Variants in CCDC92B observed in about 807,000 individuals in gnomAD.
CCDC92B encodes coiled-coil domain-containing 92B.
In CCDC92B, 2 loss-of-function variants were observed where a neutral mutation model predicts 5.6. That is an observed-to-expected ratio of 0.36 (90% confidence interval 0.15 to 1.12). CCDC92B has a LOEUF of 1.12. Ranked by LOEUF, CCDC92B falls within the 50% of genes most tolerant of loss-of-function variation. CCDC92B has a pLI of 0.40. For synonymous variants in CCDC92B, 115 were observed against 122.3 expected (o/e 0.94, Z 0.39); for missense variants, 271 against 262.2 (o/e 1.03, Z -0.23).
rs1181753190 is a variant in CCDC92B at position 2,721,408 on chromosome 17, C to T, written c.*3003G>A. ...AGAGGAGAGAGAAATGCAGTCCTTT[C>T]CCTTCTTAGTCACCAAGATATTCCA... On this transcript the variant is annotated 3_prime_UTR_variant, in exon 4 of 4. Coordinates refer to ENST00000614400, the MANE Select transcript of CCDC92B (RefSeq NM_001355573.2). The T allele has an allele frequency of 1.3e-5, 2 of 152,382 alleles. No individual in the cohort carries two copies. Among genetic ancestry groups the T allele is most frequent in the South Asian group, 2.1e-4 (1 of 4,836 alleles). The allele number at this position is 152,382 out of a possible 1,614,324, so 9.4% of individuals were successfully genotyped here.
chr17:2,725,330 C>A (rs528577060), intron 3 of CCDC92B, among the ~76,000 whole-genome samples: 94 of 152,094 alleles, frequency 6.2e-4, no homozygotes, highest in South Asian at 3.3e-3. Flanking sequence ...TTGCAGTGAG[C>A]CGAGATCACG....
intron 1 of CCDC92B, among the ~76,000 whole-genome samples, chr17:2,737,468 T>A (rs2070870132): frequency 1.0e-5 from 1 of 99,952 alleles, no homozygotes; most frequent in African/African-American, 5.1e-5. Flanking sequence ...GGCCTTTCTT[T>A]TTTTTTTTTT....
At chr17:2,732,156 G>A (rs942362077) in intron 2 of CCDC92B, among the ~76,000 whole-genome samples, 2 of 152,194 alleles carry the variant, frequency 1.3e-5, no homozygotes, top group South Asian at 2.1e-4. Flanking sequence ...AGGCTGCTTC[G>A]CCACCCCAGA....
intron 2 of CCDC92B, among the ~76,000 whole-genome samples, chr17:2,732,063 G>T (rs9897917): frequency 0.015 from 2,225 of 152,284 alleles, 61 homozygotes; most frequent in African/African-American, 0.05. Context: ...AGAGGCTGTC[G>T]CCAGGATTAA....
rs1281598554 is a variant in CCDC92B at position 2,724,586 on chromosome 17, G to A, written c.593C>T (p.Ala198Val). 3.6e-5 allele frequency: 35 copies of A among 981,802 alleles called. No homozygotes were observed. Among genetic ancestry groups the A allele is most frequent in the South Asian group, 4.6e-5 (1 of 21,710 alleles). The allele number at this position is 981,802 out of a possible 1,614,324, so 60.8% of individuals were successfully genotyped here. A position where few individuals can be genotyped will look rare whatever the true frequency, so the allele number is the denominator to read the frequency against. ...GGGGTCGGCGTCGTCGAGGGCGCCG[G>A]CCCCGCGGTCCCAGGCGGCCCAGTC... Reference protein sequence around the residue: ...GRDWAAWDRGAGALDDADPMP... With the variant: ...GRDWAAWDRGVGALDDADPMP... Residue 198 changes from alanine (A) to valine (V), a missense_variant, in exon 4 of 4, where the codon GCC becomes GTC. Ala to Val is a moderately conservative substitution (Grantham distance 64). Transcript: ENST00000614400. The surrounding 1 kb of genome is among the most constrained non-coding windows in gnomAD (Gnocchi z 5.0).
Position 2,723,971 on chromosome 17 carries a change from G to A in CCDC92B, c.*440C>T. ...GCGGGAAGGGCGTCGGCGCGGGGGT[G>A]GGGGAGGCGGGGGGTGGGGAGCTAG... On this transcript the variant is annotated 3_prime_UTR_variant, in exon 4 of 4. Transcript: ENST00000614400. 1 of 961,174 alleles carries A rather than the reference G, an allele frequency of 1.0e-6. No individual in the cohort carries two copies. The highest frequency in any genetic ancestry group is 1.2e-6 in the Non-Finnish European group (1 of 808,326). 59.5% of individuals were successfully genotyped at this position (961,174 alleles called of 1,614,324 possible).
At position 2,721,097 on chromosome 17, in the gene CCDC92B, CA is replaced by C. The variant is rs757919999; in HGVS notation, c.*3313del. 1.3e-5 allele frequency: 2 copies of C among 152,472 alleles called. No homozygotes were observed. The highest frequency in any genetic ancestry group is 1.9e-4 in the East Asian group (1 of 5,178). 9.4% of individuals were successfully genotyped at this position (152,472 alleles called of 1,614,324 possible). On this transcript the variant is annotated 3_prime_UTR_variant, in exon 4 of 4. Coordinates refer to ENST00000614400, the MANE Select transcript of CCDC92B (RefSeq NM_001355573.2). ...CTCTAGGCCTCCTTCCTCTCTCCAC[CA>C]GGGGGGACGCCATCCTACTGCTTAT...
intron 1 of CCDC92B, 33 bp from the exon 2 acceptor site, chr17:2,735,201 C>T (rs1597240211): frequency 1.0e-6 from 1 of 985,458 alleles, no homozygotes; most frequent in East Asian, 1.1e-4. Context: ...CCCACCTCTT[C>T]TGAGCCCATC....
chr17:2,721,697 G>T lies in CCDC92B; in HGVS notation c.*2714C>A, dbSNP rs2070659302. Reference sequence around the variant, plus strand: ...AAACTGGAACCCTGTATCTGCTACAGGTGCTCCCCCAGCTTGCCTTATTTC... The same window carrying T: ...AAACTGGAACCCTGTATCTGCTACATGTGCTCCCCCAGCTTGCCTTATTTC... On this transcript the variant is annotated 3_prime_UTR_variant, in exon 4 of 4. Coordinates refer to ENST00000614400, the MANE Select transcript of CCDC92B (RefSeq NM_001355573.2). 6.6e-6 allele frequency: 1 copy of T among 152,262 alleles called. No individual in the cohort carries two copies. The allele number at this position is 152,262 out of a possible 1,614,324, so 9.4% of individuals were successfully genotyped here. A position where few individuals can be genotyped will look rare whatever the true frequency, so the allele number is the denominator to read the frequency against.
intron 2 of CCDC92B, among the ~76,000 whole-genome samples, chr17:2,734,207 A>T (rs930873503): frequency 1.3e-5 from 2 of 151,702 alleles, no homozygotes; most frequent in Admixed American, 6.6e-5. Flanking sequence ...TTCTCCTGTG[A>T]TATCTTGGCA....
intron 3 of CCDC92B, among the ~76,000 whole-genome samples, chr17:2,728,395 C>G (rs1419330262): frequency 6.6e-6 from 1 of 151,590 alleles, no homozygotes; most frequent in African/African-American, 2.4e-5. Flanking sequence ...ATCACGAGGT[C>G]AGGAGATCTA....
chr17:2,739,804 A>C (rs886388382), intron 1 of CCDC92B, among the ~76,000 whole-genome samples: 3 of 152,068 alleles, frequency 2.0e-5, no homozygotes, highest in Non-Finnish European at 2.9e-5. Context: ...TTCTCTGTCC[A>C]TTTAATGTCT....
Position 2,739,341 on chromosome 17 carries a change from T to C in CCDC92B, c.-23-4173A>G, listed in dbSNP as rs542339282. Among the ~76,000 whole-genome samples the C allele has an allele frequency of 2.0e-5, 3 of 151,184 alleles. No homozygotes were observed. In the East Asian group the frequency reaches 5.8e-4, roughly 29 times the overall value. On this transcript the variant is annotated intron_variant, in intron 1 of 3. Coordinates refer to ENST00000614400, the MANE Select transcript of CCDC92B (RefSeq NM_001355573.2). ...GAGATCGCGCCATTGCACTCCAGCC[T>C]GGCGACAGAGCGAGACTCCATCTCA...
intron 3 of CCDC92B, among the ~76,000 whole-genome samples, chr17:2,728,236 C>T (rs183815412): frequency 6.6e-6 from 1 of 151,278 alleles, no homozygotes; most frequent in East Asian, 2.0e-4. Flanking sequence ...ATCTCTTGAA[C>T]CCACCTAGGA....
intron 1 of CCDC92B, among the ~76,000 whole-genome samples, chr17:2,746,085 G>A (rs1024435214): frequency 2.6e-5 from 4 of 151,742 alleles, no homozygotes; most frequent in East Asian, 1.9e-4. Flanking sequence ...CGATTCAAGC[G>A]ATTCTCCTGC....
chr17:2,742,078 T>C (rs542617725), intron 1 of CCDC92B, among the ~76,000 whole-genome samples: 2 of 150,994 alleles, frequency 1.3e-5, no homozygotes, highest in Admixed American at 6.6e-5. Context: ...ATTTGCATTT[T>C]TTATTTTTTT....
At chr17:2,730,562 T>TGTGTGTGTGTGTGTGTGTGTGTGTGA (rs1278680807) in intron 2 of CCDC92B, 69 bp from the exon 3 acceptor site, 2 of 262,736 alleles carry the variant, frequency 7.6e-6, no homozygotes, top group Non-Finnish European at 1.1e-5. Context: ...TGTGTGTGTG[T>TGTGTGTGTGTGTGTGTGTGTGTGTGA]GAGAGAGAGA....
At chr17:2,735,426 A>G (rs980913172) in intron 1 of CCDC92B, among the ~76,000 whole-genome samples, 2 of 152,104 alleles carry the variant, frequency 1.3e-5, no homozygotes, top group African/African-American at 2.4e-5. Flanking sequence ...TCCTGTTCCC[A>G]TGTAACTTTT....
At chr17:2,736,482 C>T (rs1394222631) in intron 1 of CCDC92B, among the ~76,000 whole-genome samples, 2 of 151,718 alleles carry the variant, frequency 1.3e-5, no homozygotes, top group Admixed American at 6.6e-5. Context: ...CGTGGTGGCT[C>T]ACTCCTGTAA....
Sources: allele counts gnomAD v4.1 joint callset (sites outside exome capture counted in the v4.1 genomes callset), GRCh38; gene constraint gnomAD v4.1.1; non-coding constraint Gnocchi (gnomAD v3.1); transcripts MANE v1.5; gene names NCBI Gene and HGNC (gene_info 2026-07-23, HGNC 2026-07-21).